TBC1D5: variants seen among roughly 807,000 people sequenced by gnomAD.
The protein encoded by TBC1D5 is TBC1 domain family member 5.
TBC1D5 carries 75 observed loss-of-function variants against 100.3 expected under a neutral mutation model. That is an observed-to-expected ratio of 0.75 (90% CI 0.62 to 0.91). TBC1D5 has a LOEUF of 0.91. Ranked by LOEUF, TBC1D5 falls within the 40% of genes least tolerant of loss-of-function variation. The pLI is 0.00. For synonymous variants in TBC1D5, 323 were observed against 325.6 expected (o/e 0.99, Z 0.09); for missense variants, 910 against 942.4 (o/e 0.97, Z 0.45).
intron 13 of TBC1D5, among the ~76,000 whole-genome samples, chr3:17,316,096 G>T (rs1349278554): frequency 6.6e-6 from 1 of 152,098 alleles, no homozygotes; most frequent in East Asian, 1.9e-4. Flanking sequence ...ATCTTATCTG[G>T]GTCAGAGTTC....
chr3:17,436,097 T>A (rs2094530822), intron 3 of TBC1D5, among the ~76,000 whole-genome samples: 1 of 152,188 alleles, frequency 6.6e-6, no homozygotes, highest in South Asian at 2.1e-4. Context: ...GGAGTAAGCC[T>A]TACTGAATTG....
At chr3:17,704,978 CG>C (rs1696216196) in intron 1 of TBC1D5, among the ~76,000 whole-genome samples, 1 of 120,436 alleles carries the variant, frequency 8.3e-6, no homozygotes, top group Non-Finnish European at 1.8e-5. Context: ...ACCTCCCAGA[CG>C]GGGCGGCTGG....
intron 16 of TBC1D5, among the ~76,000 whole-genome samples, chr3:17,239,850 G>C (rs573516131): frequency 1.3e-5 from 2 of 152,168 alleles, no homozygotes; most frequent in Non-Finnish European, 2.9e-5. Flanking sequence ...GATTATTTTA[G>C]TTGTAAAGGG....
intron 1 of TBC1D5, among the ~76,000 whole-genome samples, chr3:17,672,357 C>T (rs1253006075): frequency 6.6e-6 from 1 of 151,980 alleles, no homozygotes; most frequent in African/African-American, 2.4e-5. Flanking sequence ...CTCAAGAGTT[C>T]ACTGTTAACT....
upstream of TBC1D5, among the ~76,000 whole-genome samples, chr3:17,742,271 TC>T (rs1159675913): frequency 6.6e-6 from 1 of 152,066 alleles, no homozygotes; most frequent in Non-Finnish European, 1.5e-5. Context: ...CGGCAACCCG[TC>T]CGCCGTGGCG....
intron 18 of TBC1D5, among the ~76,000 whole-genome samples, chr3:17,211,272 G>A (rs1479133445): frequency 6.6e-6 from 1 of 152,234 alleles, no homozygotes; most frequent in Non-Finnish European, 1.5e-5. Context: ...TTATAGCTGT[G>A]TATACGTGTC....
intron 3 of TBC1D5, among the ~76,000 whole-genome samples, chr3:17,463,803 T>C (rs1217899207): frequency 1.3e-5 from 2 of 152,202 alleles, no homozygotes; most frequent in African/African-American, 4.8e-5. Flanking sequence ...CACTGATCTC[T>C]GCCCTCTTCA....
At chr3:17,609,471 T>C (rs1403721234) in intron 2 of TBC1D5, among the ~76,000 whole-genome samples, 1 of 152,206 alleles carries the variant, frequency 6.6e-6, no homozygotes, top group African/African-American at 2.4e-5. Context: ...CTTGTTTCTA[T>C]AATTTTTCTT....
intron 2 of TBC1D5, among the ~76,000 whole-genome samples, chr3:17,543,683 A>C (rs540456501): frequency 6.6e-6 from 1 of 152,030 alleles, no homozygotes; most frequent in South Asian, 2.1e-4. Flanking sequence ...AAAATATATA[A>C]GTCTATATTT....
chr3:17,557,956 AT>A (rs1302737841), intron 2 of TBC1D5, among the ~76,000 whole-genome samples: 2 of 152,178 alleles, frequency 1.3e-5, no homozygotes, highest in East Asian at 3.8e-4. Flanking sequence ...TTATGAACAC[AT>A]TAGAAATTTT....
intron 2 of TBC1D5, chr3:17,623,608 C>A (rs1470518625): frequency 6.6e-6 from 1 of 152,352 alleles, no homozygotes; most frequent in African/African-American, 2.4e-5. Flanking sequence ...AACACAGAAG[C>A]ACACTGACTT....
intron 18 of TBC1D5, among the ~76,000 whole-genome samples, chr3:17,207,231 T>C (rs1328572996): frequency 6.6e-6 from 1 of 152,210 alleles, no homozygotes; most frequent in Non-Finnish European, 1.5e-5. Flanking sequence ...TTGGCAACAA[T>C]CATAGAACAT....
intron 3 of TBC1D5, among the ~76,000 whole-genome samples, chr3:17,449,644 A>T (rs886083320): frequency 1.2e-4 from 19 of 152,314 alleles, no homozygotes; most frequent in Non-Finnish European, 1.6e-4. Context: ...AACCCACTGC[A>T]GTGCAGCAAA....
intron 14 of TBC1D5, among the ~76,000 whole-genome samples, chr3:17,298,956 T>C (rs2082535109): frequency 6.6e-6 from 1 of 152,212 alleles, no homozygotes; most frequent in African/African-American, 2.4e-5. Flanking sequence ...GCCCTATACG[T>C]ACTATGCTTT....
At chr3:17,186,183 A>G (rs2069040594) in intron 18 of TBC1D5, among the ~76,000 whole-genome samples, 3 of 152,188 alleles carry the variant, frequency 2.0e-5, no homozygotes, top group Middle Eastern at 6.8e-3. Context: ...GTCCTTTTGC[A>G]TAAGAATCCT....
chr3:17,485,263 T>A (rs1216191623), intron 3 of TBC1D5, among the ~76,000 whole-genome samples: 1 of 151,778 alleles, frequency 6.6e-6, no homozygotes, highest in African/African-American at 2.4e-5. Flanking sequence ...TCAATTACTT[T>A]TAAAGATAGA....
At position 17,214,645 on chromosome 3, in the gene TBC1D5, A is replaced by C. The variant is rs543121910; in HGVS notation, c.1589-275T>G. ...GCACACATATAAAAAGAACTAAAAA[A>C]AAAAAAAAATCAAAGTTTCAGTAAA... is the stretch of plus-strand genomic sequence containing the variant. On this transcript the variant is annotated intron_variant, in intron 17 of 21. Transcript: ENST00000253692. Among the ~76,000 whole-genome samples the C allele has an allele frequency of 4.6e-4, 70 of 152,242 alleles. No individual in the cohort carries two copies. The South Asian group carries it at 0.013, about 28-fold the overall frequency.
chr3:17,421,975 C>T (rs73161412), intron 4 of TBC1D5, among the ~76,000 whole-genome samples: 13,865 of 152,138 alleles, frequency 0.091, 1,423 homozygotes, highest in African/African-American at 0.26. Flanking sequence ...AGGCCTTCCT[C>T]CCTCCTCTTC....
At chr3:17,634,016 A>G (rs2063702342) in intron 1 of TBC1D5, among the ~76,000 whole-genome samples, 1 of 152,216 alleles carries the variant, frequency 6.6e-6, no homozygotes, top group Non-Finnish European at 1.5e-5. Context: ...CTACAATATG[A>G]TATCATCTCA....
Sources: allele counts gnomAD v4.1 joint callset (sites outside exome capture counted in the v4.1 genomes callset), GRCh38; gene constraint gnomAD v4.1.1; transcripts MANE v1.5; gene names NCBI Gene and HGNC (gene_info 2026-07-23, HGNC 2026-07-21).